Variants in PTPRE observed in about 807,000 individuals in gnomAD.
PTPRE encodes the protein receptor-type tyrosine-protein phosphatase epsilon.
In PTPRE, 51 loss-of-function variants were observed where a neutral mutation model predicts 102.0. The ratio of observed to expected loss-of-function variants is 0.50; its 90% CI spans 0.40 to 0.63. PTPRE has a LOEUF of 0.63. Ranked by LOEUF, PTPRE falls within the 30% of genes least tolerant of loss-of-function variation. PTPRE has a pLI of 0.00. For synonymous variants in PTPRE, 345 were observed against 348.2 expected (o/e 0.99, Z 0.10); for missense variants, 752 against 915.1 (o/e 0.82, Z 2.30).
At chr10:128,079,794 G>A in intron 20 of PTPRE, 99 bp downstream of exon 20, 1 of 1,419,442 alleles carries the variant, frequency 7.0e-7, no homozygotes, top group Non-Finnish European at 9.6e-7. Context: ...CATGGGGGAG[G>A]TGGGAAGGTA....
intron 2 of PTPRE, among the ~76,000 whole-genome samples, chr10:128,027,045 A>ATTGG (rs2135720724): frequency 6.6e-6 from 1 of 152,354 alleles, no homozygotes; most frequent in South Asian, 2.1e-4. Context: ...TTAGATACAG[A>ATTGG]CGCAGAGAGG....
chr10:127,964,705 C>T (rs974993704), intron 1 of PTPRE: 6 of 192,386 alleles, frequency 3.1e-5, no homozygotes, highest in African/African-American at 7.0e-5. Flanking sequence ...TACTCTTTCT[C>T]GATGAGACAC....
At chr10:128,042,254 G>A (rs905810728) in intron 3 of PTPRE, among the ~76,000 whole-genome samples, 1 of 152,204 alleles carries the variant, frequency 6.6e-6, no homozygotes, top group African/African-American at 2.4e-5. Flanking sequence ...CACAATGGCA[G>A]AACATCCGTT....
chr10:127,946,769 C>T (rs1232935013), intron 1 of PTPRE, among the ~76,000 whole-genome samples: 1 of 152,140 alleles, frequency 6.6e-6, no homozygotes, highest in Non-Finnish European at 1.5e-5. Flanking sequence ...CACGGCAGCT[C>T]GTGTCTGTAA....
At chr10:127,995,555 G>A (rs74159119) in intron 2 of PTPRE, among the ~76,000 whole-genome samples, 3,051 of 152,258 alleles carry the variant, frequency 0.02, 117 homozygotes, top group African/African-American at 0.07. Flanking sequence ...GTGGGGTTTA[G>A]AATTGGATAG....
chr10:127,948,356 C>T (rs1848775110), intron 1 of PTPRE, among the ~76,000 whole-genome samples: 1 of 152,150 alleles, frequency 6.6e-6, no homozygotes, highest in Non-Finnish European at 1.5e-5. Flanking sequence ...CATTATCCTA[C>T]ACGTCATCAT....
intron 1 of PTPRE, among the ~76,000 whole-genome samples, chr10:127,955,716 A>G (rs1222649231): frequency 1.3e-5 from 2 of 152,210 alleles, no homozygotes; most frequent in Admixed American, 1.3e-4. Flanking sequence ...ACTGTAAAAA[A>G]CTACCTGAGA....
In PTPRE at chr10:128,009,037, G is replaced by A. The variant is rs182442969; in HGVS notation, c.-8+26741G>A. ...TTGGAAACTCAGTCCTGGAGGCCCG[G>A]CCAGCTACAGTGTCACCTCCAACAT... On this transcript the variant is annotated intron_variant, in intron 2 of 20. Coordinates refer to ENST00000254667, the MANE Select transcript of PTPRE (RefSeq NM_006504.6). Among the ~76,000 whole-genome samples the A allele has an allele frequency of 1.6e-4, 24 of 152,296 alleles. No homozygotes were observed. The East Asian group carries it at 2.3e-3, about 15-fold the overall frequency.
chr10:127,998,204 T>C (rs1282578458), intron 2 of PTPRE: 1 of 152,238 alleles, frequency 6.6e-6, no homozygotes, highest in Non-Finnish European at 1.5e-5. Context: ...AGAAATTCCT[T>C]ATCAACAGAA....
chr10:128,074,539 A>G (rs1187703207), intron 17 of PTPRE, among the ~76,000 whole-genome samples: 1 of 152,142 alleles, frequency 6.6e-6, no homozygotes, highest in Non-Finnish European at 1.5e-5. Flanking sequence ...GGTGGCGGGA[A>G]CCTGCAATCC....
At chr10:127,954,743 T>G (rs1417150297) in intron 1 of PTPRE, among the ~76,000 whole-genome samples, 1 of 152,016 alleles carries the variant, frequency 6.6e-6, no homozygotes, top group Admixed American at 6.6e-5. Context: ...CATATGATGC[T>G]CTTTCTCCTA....
chr10:127,954,287 G>C (rs1849242930), intron 1 of PTPRE, among the ~76,000 whole-genome samples: 1 of 152,204 alleles, frequency 6.6e-6, no homozygotes, highest in Non-Finnish European at 1.5e-5. Flanking sequence ...GCCTGCTGCA[G>C]AGATCAACAT....
intron 1 of PTPRE, among the ~76,000 whole-genome samples, chr10:127,956,582 C>T (rs1444610323): frequency 6.6e-6 from 1 of 152,180 alleles, no homozygotes; most frequent in Non-Finnish European, 1.5e-5. Context: ...CTCATTTGGG[C>T]AAATGCCAAG....
intron 2 of PTPRE, among the ~76,000 whole-genome samples, chr10:128,002,488 C>T (rs1483700567): frequency 6.6e-6 from 1 of 151,934 alleles, no homozygotes; most frequent in Admixed American, 6.6e-5. Context: ...AAGGAAGATG[C>T]AGCAGTGCGT....
chr10:127,930,245 G>C (rs922621024), intron 1 of PTPRE, among the ~76,000 whole-genome samples: 4 of 149,214 alleles, frequency 2.7e-5, no homozygotes, highest in Non-Finnish European at 6.0e-5. Flanking sequence ...CCCTGCCCCC[G>C]AAAAAAAAAA....
chr10:128,057,809 G>C (rs1311176980), intron 7 of PTPRE, among the ~76,000 whole-genome samples: 1 of 152,226 alleles, frequency 6.6e-6, no homozygotes, highest in East Asian at 1.9e-4. Flanking sequence ...ACACTTTGGA[G>C]AGGATTTGTT....
At chr10:128,058,234 C>T (rs1849177121) in intron 7 of PTPRE, among the ~76,000 whole-genome samples, 1 of 152,224 alleles carries the variant, frequency 6.6e-6, no homozygotes, top group African/African-American at 2.4e-5. Context: ...AGAGCAGTGG[C>T]CTCACCTGGG....
At chr10:127,985,268 C>T (rs991847822) in intron 2 of PTPRE, among the ~76,000 whole-genome samples, 12 of 152,210 alleles carry the variant, frequency 7.9e-5, no homozygotes, top group Admixed American at 2.6e-4. Flanking sequence ...AGTGAGATGG[C>T]CCAAAGTAAG....
intron 2 of PTPRE, among the ~76,000 whole-genome samples, chr10:128,018,630 C>CTG (rs909056225): frequency 6.6e-6 from 1 of 152,182 alleles, no homozygotes; most frequent in African/African-American, 2.4e-5. Flanking sequence ...GGCCGCCTCC[C>CTG]CACAGCCTCC....
Sources: allele counts gnomAD v4.1 joint callset (sites outside exome capture counted in the v4.1 genomes callset), GRCh38; gene constraint gnomAD v4.1.1; transcripts MANE v1.5; gene names NCBI Gene and HGNC (gene_info 2026-07-23, HGNC 2026-07-21).